The following RAPGEF4 variants were observed in gnomAD, a reference collection of about 807,000 sequenced individuals.
RAPGEF4 encodes Rap guanine nucleotide exchange factor 4.
Under a neutral mutation model 147.9 loss-of-function variants are expected in RAPGEF4, and 66 were observed. The ratio of observed to expected loss-of-function variants is 0.45; its 90% CI spans 0.37 to 0.55. The LOEUF (loss-of-function observed/expected upper bound fraction) is 0.55. RAPGEF4 is among the 20% of genes least tolerant of loss of function. The probability of loss-of-function intolerance (pLI) is 0.00; values close to 1 mark genes in which losing one functional copy is unlikely to be tolerated. For synonymous variants in RAPGEF4, 419 were observed against 442.7 expected (o/e 0.95, Z 0.67); for missense variants, 1,071 against 1,257.3 (o/e 0.85, Z 2.24).
At chr2:172,744,364 A>G in intron 1 of RAPGEF4, 1 of 455,550 alleles carries the variant, frequency 2.2e-6, no homozygotes, top group Non-Finnish European at 4.4e-6. Context: ...ATCTTTTTGA[A>G]TCTTTGTTTT....
intron 4 of RAPGEF4, among the ~76,000 whole-genome samples, chr2:172,868,157 T>G (rs1425616451): frequency 6.6e-6 from 1 of 152,156 alleles, no homozygotes; most frequent in Non-Finnish European, 1.5e-5. Flanking sequence ...CATGAAGAGA[T>G]TATTGGACCA....
chr2:172,837,041 G>A (rs1212118164), intron 4 of RAPGEF4, among the ~76,000 whole-genome samples: 1 of 152,166 alleles, frequency 6.6e-6, no homozygotes, highest in Non-Finnish European at 1.5e-5. Context: ...GGTATGTAAG[G>A]AGAATGGCTC....
At chr2:172,947,425 G>T (rs1477179310) in intron 6 of RAPGEF4, among the ~76,000 whole-genome samples, 1 of 152,096 alleles carries the variant, frequency 6.6e-6, no homozygotes, top group South Asian at 2.1e-4. Flanking sequence ...TTCCAGAATC[G>T]CTGAAGGAAT....
intron 1 of RAPGEF4, among the ~76,000 whole-genome samples, chr2:172,746,809 C>T (rs1203616384): frequency 6.6e-6 from 1 of 152,018 alleles, no homozygotes; most frequent in Non-Finnish European, 1.5e-5. Flanking sequence ...GACAGGGTTT[C>T]ACCATGTTGG....
chr2:173,029,481 C>T (rs978470358), intron 25 of RAPGEF4, among the ~76,000 whole-genome samples: 3 of 152,078 alleles, frequency 2.0e-5, no homozygotes, highest in African/African-American at 4.8e-5. Context: ...CTGTTTTTTT[C>T]CACATGTCTC....
rs145267293 is a variant in RAPGEF4, at chr2:172,845,436, AT to A, written c.444+31021del. ...GGATTAAAATGCAAACCAAACCCAGATTTTTTTTTTGTATTTAATTAATGTC... is the reference window on the plus strand; with the variant it reads ...GGATTAAAATGCAAACCAAACCCAGATTTTTTTTTGTATTTAATTAATGTC... On this transcript the variant is annotated intron_variant, in intron 4 of 30. Coordinates refer to ENST00000397081, the MANE Select transcript of RAPGEF4 (RefSeq NM_007023.4). Among the ~76,000 whole-genome samples the A allele has an allele frequency of 1.5e-3, 228 of 149,832 alleles. 3 individuals carry two copies. In the East Asian group the frequency reaches 0.023, roughly 15 times the overall value.
chr2:172,761,540 G>A (rs1292811809), intron 1 of RAPGEF4, among the ~76,000 whole-genome samples: 1 of 152,180 alleles, frequency 6.6e-6, no homozygotes, highest in Non-Finnish European at 1.5e-5. Flanking sequence ...GGGGAACCAA[G>A]CTGTCTCCAG....
chr2:172,800,850 T>C (rs1574880426), intron 3 of RAPGEF4, among the ~76,000 whole-genome samples: 1 of 152,180 alleles, frequency 6.6e-6, no homozygotes, highest in African/African-American at 2.4e-5. Context: ...TCTAGATTAG[T>C]ATTTAACCAA....
chr2:172,799,154 C>G (rs1320052191), intron 3 of RAPGEF4, among the ~76,000 whole-genome samples: 2 of 152,152 alleles, frequency 1.3e-5, no homozygotes, highest in Non-Finnish European at 2.9e-5. Context: ...GTGATTTATC[C>G]AGTCCTTCTT....
intron 6 of RAPGEF4, among the ~76,000 whole-genome samples, chr2:172,925,598 A>G (rs1025182552): frequency 1.3e-5 from 2 of 151,548 alleles, no homozygotes; most frequent in South Asian, 2.1e-4. Flanking sequence ...ACACACACAC[A>G]CACACACACA....
intron 1 of RAPGEF4, among the ~76,000 whole-genome samples, chr2:172,768,908 T>C (rs541656019): frequency 6.6e-6 from 1 of 152,242 alleles, no homozygotes; most frequent in Non-Finnish European, 1.5e-5. Context: ...CCTCTGCATT[T>C]CACAGCTCTC....
chr2:173,026,522 A>G, intron 23 of RAPGEF4, 50 bp from the exon 24 acceptor site: 4 of 1,585,088 alleles, frequency 2.5e-6, no homozygotes, highest in East Asian at 2.3e-5. Flanking sequence ...TTAGTGCTAA[A>G]TACTTGTCTG....
intron 1 of RAPGEF4, among the ~76,000 whole-genome samples, chr2:172,741,188 C>A (rs1694262064): frequency 1.3e-5 from 2 of 152,246 alleles, no homozygotes. Flanking sequence ...ATTACCTGTG[C>A]TCTCACAGCA....
At chr2:172,920,519 C>T (rs901504488) in intron 5 of RAPGEF4, among the ~76,000 whole-genome samples, 1 of 152,136 alleles carries the variant, frequency 6.6e-6, no homozygotes, top group Non-Finnish European at 1.5e-5. Flanking sequence ...CTCCTTCCCT[C>T]CTTTCTCCTG....
At chr2:172,763,063 G>A (rs1696498742) in intron 1 of RAPGEF4, among the ~76,000 whole-genome samples, 1 of 152,196 alleles carries the variant, frequency 6.6e-6, no homozygotes, top group African/African-American at 2.4e-5. Context: ...GTATGATTGA[G>A]TGGATGGCAC....
At chr2:173,027,695 C>G (rs75917470) in intron 25 of RAPGEF4, among the ~76,000 whole-genome samples, 4,674 of 152,274 alleles carry the variant, frequency 0.031, 95 homozygotes, top group Middle Eastern at 0.071. Context: ...AGAATTAAAT[C>G]GGTAAAATGC....
intron 17 of RAPGEF4, among the ~76,000 whole-genome samples, chr2:173,011,208 A>ACG (rs1694999249): frequency 6.6e-6 from 1 of 151,588 alleles, no homozygotes; most frequent in African/African-American, 2.4e-5. Context: ...ACACACACAC[A>ACG]CGGAATCTCT....
chr2:172,906,534 C>G (rs1401649889), intron 4 of RAPGEF4, among the ~76,000 whole-genome samples: 6 of 152,176 alleles, frequency 3.9e-5, no homozygotes, highest in Non-Finnish European at 8.8e-5. Context: ...TTCGCTACAG[C>G]CTGATGATAG....
chr2:172,991,288 G>A (rs1029642913), intron 15 of RAPGEF4, among the ~76,000 whole-genome samples: 5 of 152,154 alleles, frequency 3.3e-5, no homozygotes, highest in African/African-American at 1.2e-4. Context: ...AGAACTTTTG[G>A]TATTTGAATT....
Sources: allele counts gnomAD v4.1 joint callset (sites outside exome capture counted in the v4.1 genomes callset), GRCh38; gene constraint gnomAD v4.1.1; transcripts MANE v1.5; gene names NCBI Gene and HGNC (gene_info 2026-07-23, HGNC 2026-07-21).